FER: variants seen among roughly 807,000 people sequenced by gnomAD.
FER encodes the protein tyrosine-protein kinase Fer.
A neutral mutation model predicts 111.0 loss-of-function variants in FER; 63 were observed. The ratio of observed to expected loss-of-function variants is 0.57; its 90% confidence interval spans 0.46 to 0.70. FER has a LOEUF of 0.70. FER is among the 30% of genes least tolerant of loss of function. FER has a pLI of 0.00. For missense variants in FER, 914 were observed against 954.0 expected (o/e 0.96, Z 0.55); for synonymous variants, 327 against 313.9 (o/e 1.04, Z -0.44).
chr5:109,053,335 A>G (rs1256080380), intron 16 of FER, among the ~76,000 whole-genome samples: 3 of 147,962 alleles, frequency 2.0e-5, no homozygotes, highest in East Asian at 4.0e-4. Context: ...GTGAGCCAAG[A>G]TCATGCCACT....
intron 11 of FER, among the ~76,000 whole-genome samples, chr5:108,947,726 T>C (rs1051495931): frequency 6.6e-6 from 1 of 151,918 alleles, no homozygotes; most frequent in African/African-American, 2.4e-5. Flanking sequence ...TGTGTGCTTT[T>C]GGTTGTCAAA....
chr5:108,923,004 T>C (rs1055825994), intron 10 of FER, among the ~76,000 whole-genome samples: 3 of 152,154 alleles, frequency 2.0e-5, no homozygotes, highest in African/African-American at 7.2e-5. Context: ...ATTTTTTGGC[T>C]ATATAACTTT....
At chr5:108,875,672 A>G (rs1765017595) in intron 8 of FER, among the ~76,000 whole-genome samples, 1 of 152,148 alleles carries the variant, frequency 6.6e-6, no homozygotes, top group South Asian at 2.1e-4. Flanking sequence ...ATGGTGACCT[A>G]TTGCAAACTT....
chr5:108,993,062 G>T (rs1176301098), intron 13 of FER, among the ~76,000 whole-genome samples: 1 of 151,472 alleles, frequency 6.6e-6, no homozygotes, highest in Non-Finnish European at 1.5e-5. Flanking sequence ...AGACTGGGCA[G>T]CCAGGCAGAG....
At position 108,845,026 on chromosome 5, in the gene FER, A is replaced by ATG. The variant is rs1561503034; in HGVS notation, c.481+9220_481+9221insGT. Reference sequence around the variant, plus strand: ...TATATATATATATATATATATATATATATATATATATATACATATATATAT... The same window carrying ATG: ...TATATATATATATATATATATATATATGTATATATATATATACATATATATAT... On this transcript the variant is annotated intron_variant, in intron 5 of 19. Transcript: ENST00000281092. Among the ~76,000 whole-genome samples the ATG allele has an allele frequency of 2.1e-4, 11 of 53,530 alleles. No homozygotes were observed. In the East Asian group the frequency reaches 5.2e-3, roughly 25 times the overall value. The allele number at this position is 53,530 out of a possible 152,430, so 35.1% of individuals were successfully genotyped here. A position where few individuals can be genotyped will look rare whatever the true frequency, so the allele number is the denominator to read the frequency against.
chr5:109,013,069 T>A (rs1031018623), intron 13 of FER, among the ~76,000 whole-genome samples: 22 of 150,754 alleles, frequency 1.5e-4, no homozygotes, highest in East Asian at 1.9e-4. Context: ...TTTTTTTTTT[T>A]AATTTAATTT....
intron 13 of FER, among the ~76,000 whole-genome samples, chr5:108,990,036 A>G (rs1188930942): frequency 6.6e-6 from 1 of 151,910 alleles, no homozygotes; most frequent in Non-Finnish European, 1.5e-5. Flanking sequence ...AAATTTCTAA[A>G]GAATTGATTA....
intron 17 of FER, among the ~76,000 whole-genome samples, chr5:109,101,395 C>T (rs1748216086): frequency 2.0e-5 from 3 of 151,930 alleles, no homozygotes; most frequent in Admixed American, 1.3e-4. Flanking sequence ...GAATCATTGT[C>T]CAGGCTTTGC....
At chr5:109,086,264 T>G (rs1034573755) in intron 16 of FER, among the ~76,000 whole-genome samples, 1 of 136,352 alleles carries the variant, frequency 7.3e-6, no homozygotes, top group Non-Finnish European at 1.6e-5. Context: ...TTTAGTTGTC[T>G]TTCAAGGTAT....
intron 13 of FER, among the ~76,000 whole-genome samples, chr5:109,001,994 C>T (rs1483007431): frequency 2.0e-5 from 3 of 152,100 alleles, no homozygotes; most frequent in South Asian, 2.1e-4. Context: ...AATGGAAGAA[C>T]ATTCCATGCT....
intron 5 of FER, among the ~76,000 whole-genome samples, chr5:108,843,277 C>CATCT (rs550562159): frequency 2.0e-5 from 3 of 152,252 alleles, no homozygotes; most frequent in Non-Finnish European, 1.5e-5. Context: ...AGTATTCCAT[C>CATCT]ATCTATCTAT....
chr5:109,092,719 A>C (rs928485107), intron 16 of FER, among the ~76,000 whole-genome samples: 7 of 152,178 alleles, frequency 4.6e-5, no homozygotes, highest in African/African-American at 1.7e-4. Context: ...AAAAATTAAA[A>C]CTGGAACTAC....
chr5:108,920,896 C>G (rs1752933257), intron 10 of FER, among the ~76,000 whole-genome samples: 2 of 152,110 alleles, frequency 1.3e-5, no homozygotes, highest in Non-Finnish European at 2.9e-5. Context: ...TCATCCCTGC[C>G]TACTTCCCCT....
intron 8 of FER, among the ~76,000 whole-genome samples, chr5:108,872,510 A>T (rs541884968): frequency 6.6e-6 from 1 of 152,232 alleles, no homozygotes; most frequent in Admixed American, 6.5e-5. Context: ...ATCTCATTTC[A>T]TCCTCACAAT....
chr5:109,097,066 C>G (rs1747628159), intron 16 of FER, among the ~76,000 whole-genome samples: 1 of 150,418 alleles, frequency 6.6e-6, no homozygotes, highest in South Asian at 2.1e-4. Flanking sequence ...TAGGCACATG[C>G]TTGATACTTT....
At chr5:109,010,006 C>A (rs1405099509) in intron 13 of FER, among the ~76,000 whole-genome samples, 1 of 152,122 alleles carries the variant, frequency 6.6e-6, no homozygotes, top group Non-Finnish European at 1.5e-5. Context: ...AAGACTAACT[C>A]AGAGTCAAAA....
intron 13 of FER, among the ~76,000 whole-genome samples, chr5:109,001,856 C>T (rs866863796): frequency 6.6e-6 from 1 of 151,720 alleles, no homozygotes; most frequent in African/African-American, 2.4e-5. Context: ...AAACAGAGAG[C>T]CAAATCATGA....
At chr5:109,005,232 G>A (rs1446059261) in intron 13 of FER, among the ~76,000 whole-genome samples, 1 of 151,974 alleles carries the variant, frequency 6.6e-6, no homozygotes, top group Non-Finnish European at 1.5e-5. Context: ...GAATCTAACT[G>A]GAGGTCCATC....
At chr5:109,039,969 G>A (rs1770922573) in intron 14 of FER, among the ~76,000 whole-genome samples, 1 of 152,134 alleles carries the variant, frequency 6.6e-6, no homozygotes, top group South Asian at 2.1e-4. Context: ...AGGTTAAGAT[G>A]ATAGCAGTGG....
Sources: gnomAD v4.1 joint callset for allele counts (sites outside exome capture counted in the v4.1 genomes callset) on GRCh38, gnomAD v4.1.1 for gene constraint, MANE v1.5 for transcripts, NCBI Gene and HGNC (gene_info 2026-07-23, HGNC 2026-07-21) for gene names.